JPH3: variants seen among roughly 807,000 people sequenced by gnomAD.
JPH3 encodes junctophilin-3.
In JPH3, 11 loss-of-function variants were observed where a neutral mutation model predicts 59.6. The ratio of observed to expected loss-of-function variants is 0.18; its 90% CI spans 0.12 to 0.31. The LOEUF is 0.31. JPH3 is among the 10% of genes least tolerant of loss of function. JPH3 has a pLI of 1.00. For synonymous variants in JPH3, 673 were observed against 483.6 expected (o/e 1.39, Z -5.14); for missense variants, 1,202 against 1,105.7 (o/e 1.09, Z -1.24).
intron 2 of JPH3, among the ~76,000 whole-genome samples, chr16:87,649,377 C>T (rs1416293211): frequency 6.6e-6 from 1 of 152,246 alleles, no homozygotes; most frequent in African/African-American, 2.4e-5. Flanking sequence ...CACAGGGCAC[C>T]TTTGCACGGC....
At chr16:87,622,739 C>CA (rs2031234592) in intron 1 of JPH3, among the ~76,000 whole-genome samples, 1 of 40,306 alleles carries the variant, frequency 2.5e-5, no homozygotes. Context: ...ATAAATCAGA[C>CA]CCCCCCCCGC....
At chr16:87,618,331 C>T (rs2031049289) in intron 1 of JPH3, among the ~76,000 whole-genome samples, 1 of 152,044 alleles carries the variant, frequency 6.6e-6, no homozygotes, top group Admixed American at 6.6e-5. Context: ...GGAGGCCGGG[C>T]AGCAGCTGGG....
At chr16:87,612,338 T>G (rs1020998746) in intron 1 of JPH3, among the ~76,000 whole-genome samples, 1 of 152,188 alleles carries the variant, frequency 6.6e-6, no homozygotes, top group Admixed American at 6.5e-5. Flanking sequence ...TTTCCCAGAC[T>G]GGTCTCAAAC....
At chr16:87,648,388 T>A (rs1385750697) in intron 2 of JPH3, among the ~76,000 whole-genome samples, 1 of 152,138 alleles carries the variant, frequency 6.6e-6, no homozygotes, top group East Asian at 1.9e-4. Context: ...GAGGAGTGAC[T>A]GGCCCCGGGC....
At position 87,644,775 on chromosome 16, in the gene JPH3, C is replaced by G; in HGVS notation, c.900C>G (p.Phe300Leu). Residue 300 changes from phenylalanine (F) to leucine (L), a missense_variant, in exon 2 of 5, where the codon TTC becomes TTG. Phe to Leu is a conservative substitution (Grantham distance 22, BLOSUM62 0). Transcript: ENST00000284262. ...GEWKNDKRSGFGVSQRSDGLK... is the reference protein window; with the variant it reads ...GEWKNDKRSGLGVSQRSDGLK... Reference sequence around the variant, plus strand: ...GGAAGAACGACAAACGCTCCGGCTTCGGCGTGAGCCAGCGCTCGGACGGGC... The same window carrying G: ...GGAAGAACGACAAACGCTCCGGCTTGGGCGTGAGCCAGCGCTCGGACGGGC... 6.2e-7 allele frequency: 1 copy of G among 1,613,288 alleles called. No individual in the cohort carries two copies. The highest frequency in any genetic ancestry group is 1.1e-5 in the South Asian group (1 of 91,072).
At position 87,646,413 on chromosome 16, in the gene JPH3, G is replaced by C. The variant is rs182629189; in HGVS notation, c.1160+1378G>C. On this transcript the variant is annotated intron_variant, in intron 2 of 4. Transcript: ENST00000284262. ...CCAAACTCGCTGTTTGCCCCTCCCT[G>C]CTCCCTCAGAAATGTTCAGGCAGGG... Among the ~76,000 whole-genome samples, 713 of 152,314 alleles carry C rather than the reference G, an allele frequency of 4.7e-3. 1 individual carries two copies. Among genetic ancestry groups the C allele is most frequent in the Non-Finnish European group, 8.7e-3 (590 of 68,024 alleles).
chr16:87,677,185 T>TATACACACACACACACAC lies in JPH3; in HGVS notation c.1161-6956_1161-6955insTACACACACACACACACA, dbSNP rs1491266129. Reference sequence around the variant, plus strand: ...CACACACACACGCACTATATATATATACACACACACACACACACACACACA... The same window carrying TATACACACACACACACAC: ...CACACACACACGCACTATATATATATATACACACACACACACACACACACACACACACACACACACACA... On this transcript the variant is annotated intron_variant, in intron 2 of 4. Transcript: ENST00000284262. Among the ~76,000 whole-genome samples, 504 of 95,076 alleles carry TATACACACACACACACAC rather than the reference T, an allele frequency of 5.3e-3. 7 individuals carry two copies. The highest frequency in any genetic ancestry group is 9.1e-3 in the East Asian group (29 of 3,198). 62.4% of individuals were successfully genotyped at this position (95,076 alleles called of 152,430 possible).
At position 87,611,647 on chromosome 16, in the gene JPH3, T is replaced by C. The variant is rs2030735916; in HGVS notation, c.382+8119T>C. 1.3e-5 allele frequency among the ~76,000 whole-genome samples: 2 copies of C among 152,110 alleles called. No homozygotes were observed. The highest frequency in any genetic ancestry group is 4.8e-5 in the African/African-American group (2 of 41,416). ...AGGACATGGGCCCGCCTCTGTCTGC[T>C]GCTCTATGCCAGTGCTTCCCAAGCC... is the stretch of plus-strand genomic sequence containing the variant. On this transcript the variant is annotated intron_variant, in intron 1 of 4. Transcript: ENST00000284262. The surrounding 1 kb of genome is among the most constrained non-coding windows in gnomAD (Gnocchi z 4.5).
Position 87,684,109 on chromosome 16 carries a change from GC to G in JPH3, c.1161-26del, listed in dbSNP as rs757701424. ...CAGACCCCTGTCACCTGTGCCCCCTGCCCCCCCTCACGCTCCTCCCTGTCTC... is the reference window on the plus strand; with the variant it reads ...CAGACCCCTGTCACCTGTGCCCCCTGCCCCCCTCACGCTCCTCCCTGTCTC... On this transcript the variant is annotated intron_variant, in intron 2 of 4. Transcript: ENST00000284262. 29 of 1,570,626 alleles carry G rather than the reference GC, an allele frequency of 1.8e-5. 1 individual carries two copies. In the South Asian group the frequency reaches 2.1e-4, roughly 11 times the overall value.
intron 2 of JPH3, among the ~76,000 whole-genome samples, chr16:87,670,555 GC>G (rs1438631223): frequency 6.6e-6 from 1 of 152,258 alleles, no homozygotes; most frequent in Non-Finnish European, 1.5e-5. Context: ...ATCCTTCCAA[GC>G]CCATGCCTGG....
At chr16:87,651,406 G>A (rs1232537297) in intron 2 of JPH3, among the ~76,000 whole-genome samples, 5 of 152,350 alleles carry the variant, frequency 3.3e-5, no homozygotes, top group Non-Finnish European at 5.9e-5. Context: ...GGCTGCCATA[G>A]ATAGTGATTT....
chr16:87,681,168 C>T (rs544719767), intron 2 of JPH3, among the ~76,000 whole-genome samples: 346 of 130,976 alleles, frequency 2.6e-3, no homozygotes, highest in African/African-American at 0.01. Context: ...CAGGTGCACG[C>T]GGTGATGACA....
At chr16:87,642,651 G>A (rs1008392240) in intron 1 of JPH3, among the ~76,000 whole-genome samples, 4 of 152,220 alleles carry the variant, frequency 2.6e-5, no homozygotes, top group Non-Finnish European at 4.4e-5. Flanking sequence ...CATCCACGCC[G>A]TTAGTGCCCG....
chr16:87,647,256 C>T (rs571535214), intron 2 of JPH3, among the ~76,000 whole-genome samples: 8 of 140,770 alleles, frequency 5.7e-5, no homozygotes, highest in East Asian at 2.6e-4. Flanking sequence ...GCAAAGGAGC[C>T]GGGGCCAGGG....
chr16:87,685,679 G>A (rs779331246), intron 3 of JPH3, among the ~76,000 whole-genome samples: 7 of 152,264 alleles, frequency 4.6e-5, no homozygotes, highest in African/African-American at 1.2e-4. Context: ...CAGAATGCAC[G>A]TAGGACGGCA....
At chr16:87,691,814 G>C (rs942130532) in intron 4 of JPH3, among the ~76,000 whole-genome samples, 1 of 152,110 alleles carries the variant, frequency 6.6e-6, no homozygotes, top group African/African-American at 2.4e-5. Context: ...CTTACAACTT[G>C]ATTTTCCCCA....
chr16:87,634,035 G>T (rs1345831041), intron 1 of JPH3, among the ~76,000 whole-genome samples: 1 of 152,170 alleles, frequency 6.6e-6, no homozygotes, highest in Non-Finnish European at 1.5e-5. Context: ...TAATTTATGT[G>T]CTTGTGAAAC....
At position 87,696,997 on chromosome 16, in the gene JPH3, C is replaced by A. The variant is rs1050231437; in HGVS notation, c.*337C>A. On this transcript the variant is annotated 3_prime_UTR_variant, in exon 5 of 5. Transcript: ENST00000284262. ...GGACGTTGTCCTCGTGGTCACACGT[C>A]CCGTCTTGGGTGTGGATGGAGGGCA... 2.9e-6 allele frequency: 1 copy of A among 343,192 alleles called. No homozygotes were observed. The highest frequency in any genetic ancestry group is 2.1e-5 in the African/African-American group (1 of 47,198). The allele number at this position is 343,192 out of a possible 1,614,324, so 21.3% of individuals were successfully genotyped here.
intron 2 of JPH3, among the ~76,000 whole-genome samples, chr16:87,674,546 A>G (rs527682123): frequency 6.6e-6 from 1 of 152,342 alleles, no homozygotes; most frequent in Non-Finnish European, 1.5e-5. Flanking sequence ...ACAGGAAAAA[A>G]TATGTAGAGC....
Sources: gnomAD v4.1 joint callset for allele counts (sites outside exome capture counted in the v4.1 genomes callset) on GRCh38, gnomAD v4.1.1 for gene constraint, Gnocchi (gnomAD v3.1) non-coding constraint, MANE v1.5 for transcripts, NCBI Gene and HGNC (gene_info 2026-07-23, HGNC 2026-07-21) for gene names.